The following RIMS2 variants were observed in gnomAD, a reference collection of about 807,000 sequenced individuals.
RIMS2 encodes the protein regulating synaptic membrane exocytosis 2.
In RIMS2, 59 loss-of-function variants were observed where a neutral mutation model predicts 174.4. The observed-to-expected ratio is 0.34, with a 90% confidence interval of 0.27 to 0.42. RIMS2 has a LOEUF of 0.42. Ranked by LOEUF, RIMS2 falls within the 10% of genes least tolerant of loss-of-function variation. The pLI is 1.00. For missense variants in RIMS2, 1,620 were observed against 1,666.3 expected (o/e 0.97, Z 0.48); for synonymous variants, 606 against 572.5 (o/e 1.06, Z -0.84).
intron 3 of RIMS2, among the ~76,000 whole-genome samples, chr8:103,838,092 A>C (rs966421402): frequency 6.6e-6 from 1 of 152,004 alleles, no homozygotes; most frequent in Non-Finnish European, 1.5e-5. Flanking sequence ...GACTATAGGT[A>C]CAAGCCATCA....
intron 3 of RIMS2, among the ~76,000 whole-genome samples, chr8:103,786,633 A>T (rs1456165556): frequency 6.6e-6 from 1 of 152,068 alleles, no homozygotes; most frequent in Non-Finnish European, 1.5e-5. Context: ...GTGGTCTGAG[A>T]GATAGTTTGT....
chr8:103,540,434 A>G (rs1370707070), intron 1 of RIMS2, among the ~76,000 whole-genome samples: 1 of 152,178 alleles, frequency 6.6e-6, no homozygotes, highest in African/African-American at 2.4e-5. Context: ...GCACAGAGAC[A>G]ACATAGCGGC....
chr8:103,743,471 G>A lies in RIMS2; in HGVS notation c.388-22756G>A, dbSNP rs976950848. ...TCTGGATTATTAGGATAAAAAAACC[G>A]CATTATAGTTTACCTAGCTATCAAG... On this transcript the variant is annotated intron_variant, in intron 2 of 23. Coordinates refer to ENST00000504942, the Ensembl canonical transcript of RIMS2. 1.6e-4 allele frequency among the ~76,000 whole-genome samples: 25 copies of A among 152,130 alleles called. 1 individual carries two copies. The highest frequency in any genetic ancestry group is 3.4e-3 in the Middle Eastern group (1 of 294).
chr8:103,781,512 G>T (rs1480535157), intron 3 of RIMS2, among the ~76,000 whole-genome samples: 2 of 152,138 alleles, frequency 1.3e-5, no homozygotes, highest in Non-Finnish European at 2.9e-5. Flanking sequence ...TGTTCAAAAT[G>T]ACTTAGTATT....
intron 1 of RIMS2, among the ~76,000 whole-genome samples, chr8:103,528,609 T>C (rs185825404): frequency 3.3e-4 from 50 of 152,370 alleles, no homozygotes; most frequent in Admixed American, 1.3e-3. Flanking sequence ...TTTCTACATA[T>C]GGCTAGCCAG....
chr8:104,099,397 C>A (rs1004314464), intron 19 of RIMS2, among the ~76,000 whole-genome samples: 4 of 152,142 alleles, frequency 2.6e-5, no homozygotes, highest in African/African-American at 9.7e-5. Context: ...ATCACCAAGG[C>A]TATCTTCTAT....
At chr8:103,648,966 A>G (rs1176210634) in intron 1 of RIMS2, among the ~76,000 whole-genome samples, 1 of 152,112 alleles carries the variant, frequency 6.6e-6, no homozygotes, top group East Asian at 1.9e-4. Flanking sequence ...TTATTTGTGA[A>G]TTTGATTCTG....
intron 3 of RIMS2, among the ~76,000 whole-genome samples, chr8:103,779,002 T>C (rs2098352819): frequency 6.6e-6 from 1 of 152,210 alleles, no homozygotes; most frequent in Non-Finnish European, 1.5e-5. Flanking sequence ...TTATTAGTGA[T>C]GTTGAACATT....
intron 3 of RIMS2, among the ~76,000 whole-genome samples, chr8:103,781,125 C>A (rs2098383816): frequency 6.6e-6 from 1 of 152,128 alleles, no homozygotes; most frequent in Non-Finnish European, 1.5e-5. Flanking sequence ...TGTGGAATAG[C>A]CCCTCTGATT....
At chr8:104,237,374 C>T (rs1041413660) in intron 19 of RIMS2, among the ~76,000 whole-genome samples, 4 of 152,108 alleles carry the variant, frequency 2.6e-5, no homozygotes, top group Non-Finnish European at 5.9e-5. Context: ...ACTACTTGTC[C>T]ATTGAGAGTC....
chr8:103,712,715 A>G (rs1051348963), intron 2 of RIMS2, among the ~76,000 whole-genome samples: 2 of 152,338 alleles, frequency 1.3e-5, no homozygotes, highest in Middle Eastern at 3.4e-3. Context: ...CAGACTGTAG[A>G]TACAGAAACA....
chr8:103,981,828 A>G (rs1274566963), intron 16 of RIMS2, among the ~76,000 whole-genome samples: 4 of 152,152 alleles, frequency 2.6e-5, no homozygotes. Context: ...TTGAAAATGC[A>G]AAGAGCAAAC....
At chr8:103,601,977 T>A (rs534342646) in intron 1 of RIMS2, among the ~76,000 whole-genome samples, 34 of 152,214 alleles carry the variant, frequency 2.2e-4, no homozygotes, top group African/African-American at 8.2e-4. Flanking sequence ...TTTATTTTTA[T>A]TATTTATTTA....
chr8:104,178,590 A>T (rs1277540319), intron 19 of RIMS2, among the ~76,000 whole-genome samples: 1 of 152,158 alleles, frequency 6.6e-6, no homozygotes, highest in Non-Finnish European at 1.5e-5. Context: ...TTGAATAGCC[A>T]CAGGATGGAA....
chr8:103,795,202 A>G (rs960270818), intron 3 of RIMS2, among the ~76,000 whole-genome samples: 3 of 152,202 alleles, frequency 2.0e-5, no homozygotes, highest in African/African-American at 7.2e-5. Context: ...CATCAATGAT[A>G]GACTGGATTA....
At chr8:104,020,033 T>C (rs1418141203) in intron 19 of RIMS2, among the ~76,000 whole-genome samples, 1 of 152,124 alleles carries the variant, frequency 6.6e-6, no homozygotes, top group Non-Finnish European at 1.5e-5. Flanking sequence ...GTAAGTTGCA[T>C]CAGTTTTTAA....
At chr8:103,670,361 A>G (rs1354085265) in intron 1 of RIMS2, among the ~76,000 whole-genome samples, 1 of 152,198 alleles carries the variant, frequency 6.6e-6, no homozygotes, top group Non-Finnish European at 1.5e-5. Flanking sequence ...TGCTCTGGAG[A>G]TATTTTCCCC....
chr8:103,825,705 T>G (rs1187497721), intron 3 of RIMS2, among the ~76,000 whole-genome samples: 3 of 152,162 alleles, frequency 2.0e-5, no homozygotes, highest in Non-Finnish European at 4.4e-5. Flanking sequence ...CACGTAAGTC[T>G]TTTTGTGGCC....
At chr8:103,855,308 G>C (rs955910382) in intron 3 of RIMS2, among the ~76,000 whole-genome samples, 4 of 151,300 alleles carry the variant, frequency 2.6e-5, no homozygotes, top group African/African-American at 2.4e-5. Flanking sequence ...CAAACTCTTG[G>C]TTTCATTGAT....
Sources: gnomAD v4.1 joint callset for allele counts (sites outside exome capture counted in the v4.1 genomes callset) on GRCh38, gnomAD v4.1.1 for gene constraint, MANE v1.5 for transcripts, NCBI Gene and HGNC (gene_info 2026-07-23, HGNC 2026-07-21) for gene names.